Variants in RELN observed in about 807,000 individuals in gnomAD.
RELN encodes reelin.
In RELN, 108 loss-of-function variants were observed where a neutral mutation model predicts 427.6. The observed-to-expected ratio is 0.25, with a 90% confidence interval of 0.22 to 0.30. The LOEUF is 0.30. Among genes scored for constraint, RELN ranks in the 10% least tolerant of loss-of-function variants. The probability of loss-of-function intolerance (pLI) is 1.00; values close to 1 mark genes in which losing one functional copy is unlikely to be tolerated. For synonymous variants in RELN, 1,524 were observed against 1,513.4 expected, an observed-to-expected ratio of 1.01 and a Z score of -0.16; for missense variants, 3,715 against 4,302.8, an observed-to-expected ratio of 0.86 and a Z score of 3.82.
intron 34 of RELN, 87 bp downstream of exon 34, chr7:103,565,191 T>C (rs983843716): frequency 1.3e-6 from 2 of 1,488,446 alleles, no homozygotes; most frequent in African/African-American, 1.4e-5. Context: ...GAAAGAATAA[T>C]AGAATCCCCA....
At chr7:103,830,502 C>T (rs1793249460) in intron 3 of RELN, among the ~76,000 whole-genome samples, 1 of 151,752 alleles carries the variant, frequency 6.6e-6, no homozygotes, top group Admixed American at 6.6e-5. Context: ...GGTATATTTA[C>T]CCTCAAATGC....
rs1401028335 is a variant in RELN, at chr7:103,572,165, T to C, written c.4588+19A>G. 7 of 1,457,546 alleles carry C rather than the reference T, an allele frequency of 4.8e-6. No individual in the cohort carries two copies. In the East Asian group the frequency reaches 9.1e-5, roughly 19 times the overall value. The allele number at this position is 1,457,546 out of a possible 1,614,324, so 90.3% of individuals were successfully genotyped here. On this transcript the variant is annotated intron_variant, in intron 31 of 64. Coordinates refer to ENST00000428762, the MANE Select transcript of RELN (RefSeq NM_005045.4). ...CTGCCAATAGTAACTGTAATTTCCATGGAAATACAGCAGCTTACCTTCATT... is the reference window on the plus strand; with the variant it reads ...CTGCCAATAGTAACTGTAATTTCCACGGAAATACAGCAGCTTACCTTCATT...
chr7:103,949,022 C>CAAAAAAAAAAAA (rs66678362), intron 1 of RELN, among the ~76,000 whole-genome samples: 1 of 88,884 alleles, frequency 1.1e-5, no homozygotes, highest in Non-Finnish European at 2.1e-5. Flanking sequence ...ACATTGTCTC[C>CAAAAAAAAAAAA]AAAAAAAAAA....
chr7:103,733,079 A>G (rs1413703137), intron 6 of RELN, among the ~76,000 whole-genome samples: 3 of 152,164 alleles, frequency 2.0e-5, no homozygotes, highest in Non-Finnish European at 2.9e-5. Flanking sequence ...CAATGAACTC[A>G]AACAAATTTA....
At chr7:103,963,585 T>C (rs1392191301) in intron 1 of RELN, among the ~76,000 whole-genome samples, 2 of 152,224 alleles carry the variant, frequency 1.3e-5, no homozygotes, top group African/African-American at 4.8e-5. Context: ...CTTTTAACTA[T>C]ATCTTTTTTA....
intron 6 of RELN, among the ~76,000 whole-genome samples, chr7:103,745,750 C>T (rs970263976): frequency 4.0e-5 from 6 of 150,718 alleles, no homozygotes; most frequent in African/African-American, 1.5e-4. Context: ...CAAACCACTG[C>T]TCAAGGAAAT....
chr7:103,739,817 G>A (rs1033926112), intron 6 of RELN, among the ~76,000 whole-genome samples: 9 of 152,302 alleles, frequency 5.9e-5, no homozygotes, highest in Middle Eastern at 3.4e-3. Flanking sequence ...CTCTGCATAT[G>A]AAGGAGGCAG....
chr7:103,575,772 A>C (rs1830985242), intron 28 of RELN, 67 bp from the exon 29 acceptor site: 1 of 1,557,768 alleles, frequency 6.4e-7, no homozygotes. Flanking sequence ...GGAATATAGA[A>C]AAATTCAGAA....
At chr7:103,551,663 C>T (rs536986250) in intron 40 of RELN, among the ~76,000 whole-genome samples, 1 of 152,168 alleles carries the variant, frequency 6.6e-6, no homozygotes, top group Admixed American at 6.5e-5. Flanking sequence ...GCTTCCCCCC[C>T]ATCTAGGTAG....
At chr7:103,703,025 A>T (rs568509371) in intron 8 of RELN, among the ~76,000 whole-genome samples, 2,200 of 152,316 alleles carry the variant, frequency 0.014, 62 homozygotes, top group African/African-American at 0.05. Context: ...TCATAAAAAG[A>T]TGACCAAAAA....
In RELN at chr7:103,503,074, A is replaced by G; in HGVS notation, c.8431T>C (p.Phe2811Leu). 1 of 1,614,194 alleles carries G rather than the reference A, an allele frequency of 6.2e-7. No homozygotes were observed. Among genetic ancestry groups the G allele is most frequent in the Non-Finnish European group, 8.5e-7 (1 of 1,180,032 alleles). The change falls in exon 52 of 65, where the codon TTT (phenylalanine) becomes CTT (leucine). Residue 2811 changes from phenylalanine to leucine, a missense_variant. Phe to Leu is a conservative substitution (Grantham distance 22). Transcript: ENST00000428762. ...SGSVSQPSVF[F>L]PTKGWKRITY... ...ATCCTTTTCCACCCTTTAGTTGGAA[A>G]GAATACAGATGGCTGAGAAACACTT...
At chr7:103,515,042 G>T in intron 50 of RELN, 143 bp downstream of exon 50, 1 of 1,018,742 alleles carries the variant, frequency 9.8e-7, no homozygotes, top group Non-Finnish European at 1.5e-6. Flanking sequence ...AGGCTGAGAG[G>T]AACAAAAGGA....
At chr7:103,674,829 T>G (rs1009194245) in intron 11 of RELN, among the ~76,000 whole-genome samples, 12 of 152,130 alleles carry the variant, frequency 7.9e-5, no homozygotes, top group Non-Finnish European at 1.6e-4. Context: ...TTTGACAAAA[T>G]TCAACAGCCC....
At chr7:103,847,768 C>G (rs181741954) in intron 2 of RELN, among the ~76,000 whole-genome samples, 1 of 152,188 alleles carries the variant, frequency 6.6e-6, no homozygotes, top group East Asian at 1.9e-4. Context: ...ATTTATATCT[C>G]TAAAGCCTCC....
intron 19 of RELN, among the ~76,000 whole-genome samples, chr7:103,630,980 G>A (rs897855826): frequency 1.3e-5 from 2 of 150,892 alleles, no homozygotes; most frequent in Non-Finnish European, 2.9e-5. Flanking sequence ...TGAATTTACT[G>A]AGAAACTGGA....
intron 46 of RELN, among the ~76,000 whole-genome samples, chr7:103,526,024 T>A (rs1829815513): frequency 6.6e-6 from 1 of 152,172 alleles, no homozygotes; most frequent in African/African-American, 2.4e-5. Flanking sequence ...CTACAAGAGA[T>A]GTCCTGTAGG....
chr7:103,677,113 G>A (rs1260797754), intron 11 of RELN, among the ~76,000 whole-genome samples: 2 of 151,882 alleles, frequency 1.3e-5, no homozygotes, highest in Non-Finnish European at 2.9e-5. Flanking sequence ...TCCTTTGCAG[G>A]GACACGGATG....
intron 8 of RELN, among the ~76,000 whole-genome samples, chr7:103,714,766 T>A (rs554474140): frequency 5.3e-5 from 8 of 152,112 alleles, no homozygotes; most frequent in Non-Finnish European, 7.4e-5. Context: ...GAGGGAAGTG[T>A]CCTGGGGCTT....
intron 6 of RELN, among the ~76,000 whole-genome samples, chr7:103,735,573 A>G (rs1431566474): frequency 6.6e-6 from 1 of 152,142 alleles, no homozygotes; most frequent in African/African-American, 2.4e-5. Context: ...GTTGGTGGTG[A>G]CATCATCTTG....
Sources: allele counts gnomAD v4.1 joint callset (sites outside exome capture counted in the v4.1 genomes callset), GRCh38; gene constraint gnomAD v4.1.1; transcripts MANE v1.5; gene names NCBI Gene and HGNC (gene_info 2026-07-23, HGNC 2026-07-21).